The following DYM variants were observed in gnomAD, a reference collection of about 807,000 sequenced individuals.
DYM encodes the protein dyggve-Melchior-Clausen syndrome protein.
In DYM, 78 loss-of-function variants were observed where a neutral mutation model predicts 93.1. The observed-to-expected ratio is 0.84, with a 90% CI of 0.70 to 1.01. The LOEUF (loss-of-function observed/expected upper bound fraction) is 1.01. Ranked by LOEUF, DYM falls within the 50% of genes least tolerant of loss-of-function variation. The pLI, the probability that DYM is intolerant of heterozygous loss-of-function variation, is 0.00. For missense variants in DYM, 789 were observed against 845.0 expected (o/e 0.93, Z 0.82); for synonymous variants, 321 against 319.7 (o/e 1.00, Z -0.04).
At chr18:49,145,734 A>G (rs149412232) in intron 15 of DYM, among the ~76,000 whole-genome samples, 43 of 152,310 alleles carry the variant, frequency 2.8e-4, no homozygotes, top group Non-Finnish European at 5.6e-4. Context: ...TGAATGTACC[A>G]AAGCTTATTC....
At chr18:49,344,871 G>A (rs1286343826) in intron 6 of DYM, among the ~76,000 whole-genome samples, 1 of 152,130 alleles carries the variant, frequency 6.6e-6, no homozygotes, top group African/African-American at 2.4e-5. Flanking sequence ...AAACTTCACA[G>A]AGCTTAAATC....
chr18:49,170,958 T>C (rs946448005), intron 14 of DYM, among the ~76,000 whole-genome samples: 12 of 152,028 alleles, frequency 7.9e-5, no homozygotes, highest in African/African-American at 1.9e-4. Flanking sequence ...TGTTAAAAGC[T>C]GTCAAATAGT....
chr18:49,248,508 G>A (rs1048360494), intron 13 of DYM, among the ~76,000 whole-genome samples: 2 of 151,894 alleles, frequency 1.3e-5, no homozygotes, highest in African/African-American at 2.4e-5. Flanking sequence ...AACTCAGCAA[G>A]GTTTTGGAAA....
chr18:49,458,059 A>C (rs1201189714), intron 1 of DYM, among the ~76,000 whole-genome samples: 1 of 152,210 alleles, frequency 6.6e-6, no homozygotes, highest in Non-Finnish European at 1.5e-5. Flanking sequence ...ACTGTAAAAT[A>C]ATAAATGCAT....
At chr18:49,335,093 G>A (rs1277266598) in intron 6 of DYM, among the ~76,000 whole-genome samples, 4 of 151,868 alleles carry the variant, frequency 2.6e-5, no homozygotes, top group African/African-American at 7.3e-5. Flanking sequence ...GGCGATAAGA[G>A]CGAAACTCCA....
chr18:49,442,056 G>T (rs1413710564), intron 1 of DYM, among the ~76,000 whole-genome samples: 1 of 152,120 alleles, frequency 6.6e-6, no homozygotes, highest in Non-Finnish European at 1.5e-5. Flanking sequence ...GGAACCTAGG[G>T]AAAAGATACA....
intron 11 of DYM, among the ~76,000 whole-genome samples, chr18:49,263,498 AG>A (rs1261774921): frequency 2.0e-5 from 3 of 151,152 alleles, no homozygotes; most frequent in South Asian, 2.1e-4. Flanking sequence ...TGGGAGGCTG[AG>A]GTGGGTGGAT....
intron 13 of DYM, among the ~76,000 whole-genome samples, chr18:49,216,515 G>A (rs2093055340): frequency 6.6e-6 from 1 of 152,168 alleles, no homozygotes; most frequent in African/African-American, 2.4e-5. Flanking sequence ...AGTAGGGGCA[G>A]ACTGACATCT....
At chr18:49,284,797 G>A (rs1289095884) in intron 9 of DYM, among the ~76,000 whole-genome samples, 2 of 152,066 alleles carry the variant, frequency 1.3e-5, no homozygotes, top group Non-Finnish European at 2.9e-5. Flanking sequence ...ACCAGTTTTC[G>A]TTTTTTAATT....
rs568120596 is a variant in DYM, at chr18:49,271,654, T to C, written c.1251+524A>G. On this transcript the variant is annotated intron_variant, in intron 11 of 17. Coordinates refer to ENST00000675505, the MANE Select transcript of DYM (RefSeq NM_001353214.3). The stretch of plus-strand genomic sequence containing the variant: ...TCTATACAAGTTTTAAAACTACATA[T>C]GTGTATTACTTTGATGCAAAAAATA... 1.8e-3 allele frequency among the ~76,000 whole-genome samples: 269 copies of C among 150,158 alleles called. 3 individuals are homozygous for C. Among genetic ancestry groups the C allele is most frequent in the Middle Eastern group, 0.017 (5 of 292 alleles).
At chr18:49,325,765 G>T (rs1427809262) in intron 8 of DYM, among the ~76,000 whole-genome samples, 2 of 152,212 alleles carry the variant, frequency 1.3e-5, no homozygotes, top group Non-Finnish European at 2.9e-5. Flanking sequence ...AATCAGGGAA[G>T]TTAGAGTTCC....
chr18:49,334,996 A>G (rs1279063949), intron 6 of DYM, among the ~76,000 whole-genome samples: 1 of 152,204 alleles, frequency 6.6e-6, no homozygotes, highest in Non-Finnish European at 1.5e-5. Flanking sequence ...AATGCCAGCT[A>G]CTAGGGAGGC....
intron 16 of DYM, among the ~76,000 whole-genome samples, chr18:49,110,096 C>G (rs547975908): frequency 2.0e-5 from 3 of 152,314 alleles, no homozygotes; most frequent in African/African-American, 7.2e-5. Context: ...TAGCCATACC[C>G]ACTTGTTTAC....
At chr18:49,363,924 T>C (rs1246314574) in intron 5 of DYM, among the ~76,000 whole-genome samples, 1 of 152,218 alleles carries the variant, frequency 6.6e-6, no homozygotes, top group African/African-American at 2.4e-5. Context: ...CTCATGTGAC[T>C]TCTGGTCTTG....
intron 6 of DYM, among the ~76,000 whole-genome samples, chr18:49,340,432 C>T (rs2849478): frequency 1 from 151,694 of 152,322 alleles, 75,540 homozygotes; most frequent in Middle Eastern, 1. Flanking sequence ...CCTGAACATA[C>T]ATATGTAGAA....
rs117144741 is a variant in DYM, at chr18:49,280,798, A to C, written c.1125+1199T>G. Among the ~76,000 whole-genome samples the C allele has an allele frequency of 6.0e-3, 913 of 152,356 alleles. 5 individuals carry two copies. The highest frequency in any genetic ancestry group is 0.017 in the Middle Eastern group (5 of 294). On this transcript the variant is annotated intron_variant, in intron 10 of 17. Coordinates refer to ENST00000675505, the MANE Select transcript of DYM (RefSeq NM_001353214.3). ...TTGGGAAAAGAAGTTTTTCTCCAAA[A>C]TATTATAAAATACAAACACATGGAA...
At chr18:49,058,846 T>C (rs1161148404) in intron 17 of DYM, among the ~76,000 whole-genome samples, 2 of 152,210 alleles carry the variant, frequency 1.3e-5, no homozygotes, top group East Asian at 3.8e-4. Flanking sequence ...CAAGAGGATG[T>C]AGAACATACC....
intron 6 of DYM, among the ~76,000 whole-genome samples, chr18:49,355,725 T>G (rs920578310): frequency 6.6e-6 from 1 of 152,188 alleles, no homozygotes; most frequent in South Asian, 2.1e-4. Flanking sequence ...AACAAACAAC[T>G]AATTTTTTTT....
chr18:49,141,932 C>A (rs2084543083), intron 15 of DYM, among the ~76,000 whole-genome samples: 1 of 152,076 alleles, frequency 6.6e-6, no homozygotes, highest in Non-Finnish European at 1.5e-5. Flanking sequence ...CCGCTCACTG[C>A]AAGCTCTGCC....
Sources: gnomAD v4.1 joint callset for allele counts (sites outside exome capture counted in the v4.1 genomes callset) on GRCh38, gnomAD v4.1.1 for gene constraint, MANE v1.5 for transcripts, NCBI Gene and HGNC (gene_info 2026-07-23, HGNC 2026-07-21) for gene names.